Variants in SLC6A4 observed in about 807,000 individuals in gnomAD.
SLC6A4 encodes the protein sodium-dependent serotonin transporter.
Under a neutral mutation model 73.4 loss-of-function variants are expected in SLC6A4, and 22 were observed. The ratio of observed to expected loss-of-function variants is 0.30; its 90% CI spans 0.21 to 0.43. SLC6A4 has a LOEUF of 0.43. Among genes scored for constraint, SLC6A4 ranks in the 20% least tolerant of loss-of-function variants. SLC6A4 has a pLI of 1.00. For synonymous variants in SLC6A4, 270 were observed against 315.5 expected, an observed-to-expected ratio of 0.86 and a Z score of 1.53; for missense variants, 593 against 808.5, an observed-to-expected ratio of 0.73 and a Z score of 3.23.
intron 10 of SLC6A4, among the ~76,000 whole-genome samples, chr17:30,210,957 C>T (rs1191945566): frequency 6.6e-6 from 1 of 152,242 alleles, no homozygotes; most frequent in Non-Finnish European, 1.5e-5. Context: ...ACTCACTCCA[C>T]ACTAATAATT....
chr17:30,203,309 G>A lies in SLC6A4; in HGVS notation c.1681C>T (p.Pro561Ser), dbSNP rs773586674. 5.0e-6 allele frequency: 8 copies of A among 1,613,946 alleles called. No individual in the cohort carries two copies. In the Admixed American group the frequency reaches 1.3e-4, roughly 27 times the overall value. Residue 561 changes from proline to serine, a missense_variant, in exon 14 of 15, where the codon CCA becomes TCA. By Grantham distance (74) the Pro-to-Ser change is moderately conservative. Transcript: ENST00000650711. ...FIICSFLMSP[P>S]QLRLFQYNYP... is the part of the protein sequence containing the mutation. The stretch of plus-strand genomic sequence containing the variant: ...TTATATTGGAAAAGTCGTAGTTGTG[G>A]CGGGCTCATCAGAAAACTGCAAATG...
In SLC6A4 at chr17:30,210,508, TAC is replaced by T. The variant is rs769349355; in HGVS notation, c.1449+5_1449+6del. On this transcript the variant is annotated splice_donor_5th_base_variant and intron_variant, in intron 11 of 14. Coordinates refer to ENST00000650711, the MANE Select transcript of SLC6A4 (RefSeq NM_001045.6). ...GCCAACTCAAAGCTGAGGGGCATGA[TAC>T]TCACAAAAGTCAGGGTGACCAGGGA... 1 of 1,611,908 alleles carries T rather than the reference TAC, an allele frequency of 6.2e-7. No homozygotes were observed. The highest frequency in any genetic ancestry group is 8.5e-7 in the Non-Finnish European group (1 of 1,179,050).
chr17:30,215,525 G>A, intron 8 of SLC6A4, 86 bp downstream of exon 8: 1 of 1,101,644 alleles, frequency 9.1e-7, no homozygotes, highest in Non-Finnish European at 1.4e-6. Context: ...CAGATTCGAG[G>A]CCGTCGGTCC....
In SLC6A4 at chr17:30,217,224, A is replaced by G; in HGVS notation, c.779T>C (p.Met260Thr). ...GISWQLALCI[M>T]LIFTVIYFSI... is the part of the protein sequence containing the mutation. Reference sequence around the variant, plus strand: ...GAAGTAGATAACAGTGAAGATCAGCATGATGCAGAGGGCCAGCTGCCAGCT... The same window carrying G: ...GAAGTAGATAACAGTGAAGATCAGCGTGATGCAGAGGGCCAGCTGCCAGCT... The change falls in exon 6 of 15, where the codon ATG becomes ACG. Residue 260 changes from methionine (M) to threonine (T), a missense_variant. By Grantham distance (81) the Met-to-Thr change is moderately conservative (BLOSUM62 -1). Coordinates refer to ENST00000650711, the MANE Select transcript of SLC6A4 (RefSeq NM_001045.6). 6.2e-7 allele frequency: 1 copy of G among 1,614,118 alleles called. No individual in the cohort carries two copies. Among genetic ancestry groups the G allele is most frequent in the Non-Finnish European group, 8.5e-7 (1 of 1,179,950 alleles).
chr17:30,203,245 C>T lies in SLC6A4; in HGVS notation c.1745G>A (p.Gly582Glu). The T allele has an allele frequency of 6.2e-7, 1 of 1,612,044 alleles. No homozygotes were observed. Among genetic ancestry groups the T allele is most frequent in the Non-Finnish European group, 8.5e-7 (1 of 1,178,166 alleles). The change falls in exon 14 of 15, where the codon GGA (glycine) becomes GAA (glutamate). Residue 582 changes from glycine (G) to glutamate (E), a missense_variant. By Grantham distance (98) the Gly-to-Glu change is moderately conservative. Coordinates refer to ENST00000650711, the MANE Select transcript of SLC6A4 (RefSeq NM_001045.6). ...YWSIILGYCI[G>E]TSSFICIPTY... is the part of the protein sequence containing the mutation. Reference sequence around the variant, plus strand: ...GGGGATGCAAATGAAAGATGAGGTTCCTATGCAGTAACCCAAGATGATACT... The same window carrying T: ...GGGGATGCAAATGAAAGATGAGGTTTCTATGCAGTAACCCAAGATGATACT...
intron 1 of SLC6A4, among the ~76,000 whole-genome samples, chr17:30,231,735 C>T (rs545054980): frequency 1.3e-5 from 2 of 152,306 alleles, no homozygotes; most frequent in African/African-American, 4.8e-5. Context: ...TGCTGGGAAA[C>T]TTCCAGTCAG....
chr17:30,228,549 T>C (rs1334983952), intron 1 of SLC6A4, among the ~76,000 whole-genome samples: 1 of 152,172 alleles, frequency 6.6e-6, no homozygotes, highest in Non-Finnish European at 1.5e-5. Context: ...GGAAACAGAC[T>C]CCTGGGCTGC....
intron 8 of SLC6A4, among the ~76,000 whole-genome samples, chr17:30,213,670 CAA>C (rs1452728742): frequency 2.6e-5 from 4 of 152,150 alleles, no homozygotes; most frequent in Non-Finnish European, 4.4e-5. Flanking sequence ...ATGCATAGCA[CAA>C]AGAGATTGAT....
intron 13 of SLC6A4, 32 bp downstream of exon 13, chr17:30,207,700 G>T: frequency 7.0e-7 from 1 of 1,431,504 alleles, no homozygotes; most frequent in Non-Finnish European, 9.9e-7. Flanking sequence ...TCTTTCGCCA[G>T]GGCAAGGAGG....
intron 6 of SLC6A4, among the ~76,000 whole-genome samples, chr17:30,216,851 GT>G (rs1906593634): frequency 3.1e-5 from 2 of 64,998 alleles, no homozygotes; most frequent in African/African-American, 6.8e-5. Flanking sequence ...TTTTTTGTTT[GT>G]TTGTTTGTTT....
intron 3 of SLC6A4, among the ~76,000 whole-genome samples, chr17:30,219,150 A>G (rs1906672383): frequency 6.6e-6 from 1 of 152,206 alleles, no homozygotes; most frequent in Non-Finnish European, 1.5e-5. Context: ...GGAGGCCAAG[A>G]GAGCAATTGG....
chr17:30,207,653 A>C, intron 13 of SLC6A4, 79 bp downstream of exon 13: 2 of 974,848 alleles, frequency 2.1e-6, no homozygotes, highest in Non-Finnish European at 3.3e-6. Context: ...CACCGTGCCC[A>C]GCCATTACAA....
rs532344455 is a variant in SLC6A4 at position 30,227,340 on chromosome 17, G to A, written c.-220-4425C>T. ...TTTCATGATAGAAATGAAGAGAATA[G>A]AGAAAATCTGCTTGTTTTTTTTTTG... On this transcript the variant is annotated intron_variant, in intron 1 of 14. Transcript: ENST00000650711. Among the ~76,000 whole-genome samples, 10 of 152,194 alleles carry A rather than the reference G, an allele frequency of 6.6e-5. No homozygotes were observed. The East Asian group carries it at 1.4e-3, about 21-fold the overall frequency.
At chr17:30,214,806 T>C (rs1432956679) in intron 8 of SLC6A4, among the ~76,000 whole-genome samples, 1 of 151,812 alleles carries the variant, frequency 6.6e-6, no homozygotes, top group Non-Finnish European at 1.5e-5. Flanking sequence ...CTAATTTGTT[T>C]GTATTTTTAG....
chr17:30,225,362 C>A (rs2143015942), intron 1 of SLC6A4, among the ~76,000 whole-genome samples: 1 of 152,290 alleles, frequency 6.6e-6, no homozygotes, highest in Admixed American at 6.5e-5. Context: ...GAGCCCCAGA[C>A]TCTCTTCCTA....
Position 30,218,193 on chromosome 17 carries a change from T to C in SLC6A4, c.623A>G (p.Asn208Ser), listed in dbSNP as rs201518786. 4.4e-5 allele frequency: 71 copies of C among 1,614,082 alleles called. No homozygotes were observed. The highest frequency in any genetic ancestry group is 2.3e-5 in the Non-Finnish European group (27 of 1,180,036). Residue 208 changes from asparagine to serine, a missense_variant, in exon 5 of 15, where the codon AAC becomes AGC. Physicochemically the swap from Asn to Ser is conservative, Grantham distance 46 (BLOSUM62 1). Coordinates refer to ENST00000650711, the MANE Select transcript of SLC6A4 (RefSeq NM_001045.6). Reference sequence around the variant, plus strand: ...GTCCTCGGAGAAGTAATTGGTGCAGTTGCCAGTGTTCCAGGAGTTCTTGCA... The same window carrying C: ...GTCCTCGGAGAAGTAATTGGTGCAGCTGCCAGTGTTCCAGGAGTTCTTGCA... ...TSCKNSWNTG[N>S]CTNYFSEDNI...
intron 1 of SLC6A4, among the ~76,000 whole-genome samples, chr17:30,224,419 T>G (rs1377310118): frequency 1.3e-5 from 2 of 152,164 alleles, no homozygotes; most frequent in African/African-American, 4.8e-5. Context: ...GGTTTCACTA[T>G]GTTGGCCAGG....
Position 30,197,451 on chromosome 17 carries a change from A to ACT in SLC6A4, c.*1003_*1004dup, listed in dbSNP as rs1410930525. The ACT allele has an allele frequency of 6.6e-6, 1 of 152,490 alleles. No individual in the cohort carries two copies. The highest frequency in any genetic ancestry group is 1.5e-5 in the Non-Finnish European group (1 of 68,138). 9.4% of individuals were successfully genotyped at this position (152,490 alleles called of 1,614,324 possible). A position where few individuals can be genotyped will look rare whatever the true frequency, so the allele number is the denominator to read the frequency against. ...CGAGCAAAGCAACCTGGACAGTCAA[A>ACT]CTCAGTCACGTAAGGCAGACAGAAC... On this transcript the variant is annotated 3_prime_UTR_variant, in exon 15 of 15. Coordinates refer to ENST00000650711, the MANE Select transcript of SLC6A4 (RefSeq NM_001045.6).
chr17:30,217,946 G>A (rs1405826715), intron 5 of SLC6A4, among the ~76,000 whole-genome samples, 172 bp downstream of exon 5: 21 of 152,180 alleles, frequency 1.4e-4, no homozygotes, highest in Admixed American at 1.3e-3. Flanking sequence ...CCAGGCCGTG[G>A]AGCACTTGAG....
Sources: allele counts gnomAD v4.1 joint callset (sites outside exome capture counted in the v4.1 genomes callset), GRCh38; gene constraint gnomAD v4.1.1; transcripts MANE v1.5; gene names NCBI Gene and HGNC (gene_info 2026-07-23, HGNC 2026-07-21).